The following CSF1R variants were observed in gnomAD, a reference collection of about 807,000 sequenced individuals.
CSF1R encodes the protein macrophage colony-stimulating factor 1 receptor.
In CSF1R, 40 loss-of-function variants were observed where a neutral mutation model predicts 110.0. The ratio of observed to expected loss-of-function variants is 0.36; its 90% CI spans 0.28 to 0.47. The LOEUF (loss-of-function observed/expected upper bound fraction) is 0.47, where lower values mean the gene tolerates loss of function less well. Among genes scored for constraint, CSF1R ranks in the 20% least tolerant of loss-of-function variants. CSF1R has a pLI of 0.99. For synonymous variants in CSF1R, 523 were observed against 503.4 expected, an observed-to-expected ratio of 1.04 and a Z score of -0.52; for missense variants, 1,052 against 1,253.0, an observed-to-expected ratio of 0.84 and a Z score of 2.42.
At chr5:150,066,120 A>T (rs779189664) in intron 10 of CSF1R, among the ~76,000 whole-genome samples, 1 of 152,130 alleles carries the variant, frequency 6.6e-6, no homozygotes, top group Non-Finnish European at 1.5e-5. Flanking sequence ...CAAGGAGATG[A>T]TGCCCGACCT....
At chr5:150,112,554 C>A (rs933229201) in intron 1 of CSF1R, among the ~76,000 whole-genome samples, 3 of 152,266 alleles carry the variant, frequency 2.0e-5, no homozygotes, top group African/African-American at 4.8e-5. Context: ...GAGGCTTTTG[C>A]ACCAGCAAAG....
chr5:150,055,895 G>T, intron 18 of CSF1R, 131 bp downstream of exon 18: 1 of 768,500 alleles, frequency 1.3e-6, no homozygotes, highest in Non-Finnish European at 2.1e-6. Context: ...GCTGGGTTTC[G>T]AGAGCCCTTG....
chr5:150,111,048 A>G (rs1246506838), intron 1 of CSF1R, among the ~76,000 whole-genome samples: 1 of 152,216 alleles, frequency 6.6e-6, no homozygotes, highest in African/African-American at 2.4e-5. Flanking sequence ...CAAAAGGCAT[A>G]TTCAAAGACA....
In CSF1R at chr5:150,059,531, CAA is replaced by C. The variant is rs1208467293; in HGVS notation, c.2132+167_2132+168del. Among the ~76,000 whole-genome samples, 11 of 152,308 alleles carry C rather than the reference CAA, an allele frequency of 7.2e-5. No homozygotes were observed. In the East Asian group the frequency reaches 1.2e-3, roughly 16 times the overall value. On this transcript the variant is annotated intron_variant, in intron 14 of 20. Transcript: ENST00000675795. ...ATGAAGGGGAAAAGGAGTAGAGAAA[CAA>C]GAGATGGCCATAAAACCTGTGGTGG...
intron 6 of CSF1R, among the ~76,000 whole-genome samples, chr5:150,070,941 G>A (rs1238154831): frequency 6.6e-6 from 1 of 152,172 alleles, no homozygotes; most frequent in East Asian, 1.9e-4. Flanking sequence ...TGCCAAGAGG[G>A]ACTGAGAAAG....
At chr5:150,111,391 G>C (rs999451436) in intron 1 of CSF1R, among the ~76,000 whole-genome samples, 4 of 152,218 alleles carry the variant, frequency 2.6e-5, no homozygotes, top group Admixed American at 1.3e-4. Context: ...GGAGGCAGGA[G>C]CCCAGCAGGG....
At position 150,058,356 on chromosome 5, in the gene CSF1R, G is replaced by T. The variant is rs1301958812; in HGVS notation, c.2133-764C>A. On this transcript the variant is annotated intron_variant, in intron 14 of 20. Transcript: ENST00000675795. ...CTGCTCCTAACGTTCCAGCCAGATAGGATTTCTCTCTCCCTCCTGTCCCCT... is the reference window on the plus strand; with the variant it reads ...CTGCTCCTAACGTTCCAGCCAGATATGATTTCTCTCTCCCTCCTGTCCCCT... 8.8e-6 allele frequency: 4 copies of T among 456,044 alleles called. No individual in the cohort carries two copies. In the East Asian group the frequency reaches 2.8e-4, roughly 32 times the overall value. The allele number at this position is 456,044 out of a possible 1,614,324, so 28.2% of individuals were successfully genotyped here.
At chr5:150,061,338 G>A (rs1757510676) in intron 12 of CSF1R, among the ~76,000 whole-genome samples, 153 bp downstream of exon 12, 1 of 152,106 alleles carries the variant, frequency 6.6e-6, no homozygotes, top group Non-Finnish European at 1.5e-5. Flanking sequence ...GGTGCCTGGA[G>A]CTCACAAGAA....
intron 18 of CSF1R, among the ~76,000 whole-genome samples, chr5:150,055,710 G>A (rs1370971692): frequency 1.3e-5 from 2 of 152,242 alleles, no homozygotes; most frequent in Non-Finnish European, 2.9e-5. Context: ...TTCTACTAGA[G>A]CCTAGTAGTA....
At chr5:150,082,315 T>C (rs1417930175) in intron 1 of CSF1R, among the ~76,000 whole-genome samples, 1 of 152,248 alleles carries the variant, frequency 6.6e-6, no homozygotes, top group Non-Finnish European at 1.5e-5. Context: ...AAATTCCCCC[T>C]GCCCCACCAT....
chr5:150,097,950 T>A (rs761322860), intron 1 of CSF1R, among the ~76,000 whole-genome samples: 1 of 152,148 alleles, frequency 6.6e-6, no homozygotes, highest in Non-Finnish European at 1.5e-5. Flanking sequence ...TTAGCCAAAA[T>A]AATTTAGGAA....
At chr5:150,105,536 T>G (rs1353110224) in intron 1 of CSF1R, among the ~76,000 whole-genome samples, 3 of 151,718 alleles carry the variant, frequency 2.0e-5, no homozygotes, top group Non-Finnish European at 4.4e-5. Flanking sequence ...CTTTTTCCCT[T>G]TTTTTATAGG....
intron 1 of CSF1R, among the ~76,000 whole-genome samples, chr5:150,103,751 G>T (rs1487190349): frequency 6.6e-6 from 1 of 152,224 alleles, no homozygotes; most frequent in Admixed American, 6.5e-5. Context: ...TAGGGGCAGA[G>T]AGGGTGAAAA....
rs116332039 is a variant in CSF1R, at chr5:150,103,144, G to C, written c.-181+10117C>G. On this transcript the variant is annotated intron_variant, in intron 1 of 21. Transcript: ENST00000286301. ...ACACAGCTACTTTGGGGAAGACTCA[G>C]AGCCAGAATCCGAATTTTCTGAGTC... Among the ~76,000 whole-genome samples, 962 of 152,368 alleles carry C rather than the reference G, an allele frequency of 6.3e-3. 17 individuals carry two copies. Among genetic ancestry groups the C allele is most frequent in the African/African-American group, 0.022 (904 of 41,578 alleles).
rs1467837159 is a variant in CSF1R at position 150,105,406 on chromosome 5, C to T, written c.-181+7855G>A. On this transcript the variant is annotated intron_variant, in intron 1 of 21. Coordinates refer to the CSF1R transcript ENST00000286301. ...TATATTTTTTTTTTTTTAATAGAGGCGGGGTTACCATGTTGGCGAGGCTGA... is the reference window on the plus strand; with the variant it reads ...TATATTTTTTTTTTTTTAATAGAGGTGGGGTTACCATGTTGGCGAGGCTGA... Among the ~76,000 whole-genome samples the T allele has an allele frequency of 8.4e-5, 11 of 131,370 alleles. No homozygotes were observed. The East Asian group carries it at 1.3e-3, about 16-fold the overall frequency. The allele number at this position is 131,370 out of a possible 152,430, so 86.2% of individuals were successfully genotyped here. A position where few individuals can be genotyped will look rare whatever the true frequency, so the allele number is the denominator to read the frequency against.
chr5:150,085,277 G>GAAAAAAAAAAAAAAAAAAAAAAAA (rs70973563), intron 1 of CSF1R, among the ~76,000 whole-genome samples: 1 of 92,466 alleles, frequency 1.1e-5, no homozygotes, highest in Non-Finnish European at 2.0e-5. Flanking sequence ...TCTGTCTCAG[G>GAAAAAAAAAAAAAAAAAAAAAAAA]AAAAAAAAAA....
At chr5:150,111,289 C>A (rs191066825) in intron 1 of CSF1R, among the ~76,000 whole-genome samples, 1 of 152,096 alleles carries the variant, frequency 6.6e-6, no homozygotes, top group African/African-American at 2.4e-5. Context: ...AGTGGGGTGG[C>A]GGAAGAATTG....
intron 10 of CSF1R, among the ~76,000 whole-genome samples, chr5:150,064,430 TC>T (rs1757667312): frequency 6.6e-6 from 1 of 152,188 alleles, no homozygotes; most frequent in Non-Finnish European, 1.5e-5. Context: ...AGGCTCTGAT[TC>T]GGAAGGGCGG....
rs777010312 is a variant in CSF1R at position 150,059,753 on chromosome 5, G to A, written c.2079C>T (p.Pro693=). The change falls in exon 14 of 21, where the codon CCC becomes CCT. Residue 693 remains proline (P), a synonymous_variant. Transcript: ENST00000675795. ...LGPSLSPGQD[P]EGGVDYKNIH... is the part of the protein sequence containing the mutation. ...TGTTCTTATAGTCGACGCCTCCCTC[G>A]GGGTCCTGGCCGGGGCTCAGGCTGG... The A allele has an allele frequency of 5.6e-6, 9 of 1,613,992 alleles. No individual in the cohort carries two copies. In the Admixed American group the frequency reaches 6.7e-5, roughly 12 times the overall value.
Sources: allele counts gnomAD v4.1 joint callset (sites outside exome capture counted in the v4.1 genomes callset), GRCh38; gene constraint gnomAD v4.1.1; transcripts MANE v1.5; gene names NCBI Gene and HGNC (gene_info 2026-07-23, HGNC 2026-07-21).